Variants in PARVA observed in about 807,000 individuals in gnomAD.
PARVA encodes parvin alpha.
A neutral mutation model predicts 52.6 loss-of-function variants in PARVA; 25 were observed. That is an observed-to-expected ratio of 0.48 (90% CI 0.35 to 0.66). The LOEUF is 0.66. PARVA is among the 30% of genes least tolerant of loss of function. The probability of loss-of-function intolerance (pLI) is 0.01; values close to 1 mark genes in which losing one functional copy is unlikely to be tolerated. For synonymous variants in PARVA, 185 were observed against 179.1 expected (o/e 1.03, Z -0.26); for missense variants, 373 against 450.9 (o/e 0.83, Z 1.56).
At chr11:12,416,657 GA>G (rs1489846460) in intron 1 of PARVA, among the ~76,000 whole-genome samples, 3 of 151,998 alleles carry the variant, frequency 2.0e-5, no homozygotes, top group Admixed American at 2.0e-4. Context: ...GGGAGAAAGA[GA>G]AAGAAGCGAG....
chr11:12,377,726 G>T lies in PARVA; in HGVS notation c.79G>T (p.Asp27Tyr). 1 of 1,565,000 alleles carries T rather than the reference G, an allele frequency of 6.4e-7. No individual in the cohort carries two copies. The highest frequency in any genetic ancestry group is 8.6e-7 in the Non-Finnish European group (1 of 1,160,246). The change falls in exon 1 of 13, where the codon GAT becomes TAT. Residue 27 changes from aspartate to tyrosine, a missense_variant. Asp to Tyr is a radical substitution (Grantham distance 160). Coordinates refer to ENST00000334956, the MANE Select transcript of PARVA (RefSeq NM_018222.5). ...PKSPPSRKKDDSFLGKLGGTL... is the reference protein window; with the variant it reads ...PKSPPSRKKDYSFLGKLGGTL... ...GTCGCCCCCGTCCCGCAAGAAAGAT[G>T]ATTCCTTCTTGGGGAAACTCGGAGG...
intron 1 of PARVA, among the ~76,000 whole-genome samples, chr11:12,381,866 T>C (rs1939492112): frequency 6.6e-6 from 1 of 152,134 alleles, no homozygotes; most frequent in South Asian, 2.1e-4. Flanking sequence ...TCAACTTTTC[T>C]TATAATGTCA....
At position 12,497,582 on chromosome 11, in the gene PARVA, T is replaced by C. The variant is rs565346062; in HGVS notation, c.541+984T>C. Among the ~76,000 whole-genome samples, 3 of 152,296 alleles carry C rather than the reference T, an allele frequency of 2.0e-5. No homozygotes were observed. In the East Asian group the frequency reaches 5.8e-4, roughly 29 times the overall value. On this transcript the variant is annotated intron_variant, in intron 5 of 12. Transcript: ENST00000334956. ...ACACCAAGTGCCTCCTCGGCATAAT[T>C]ACACGTTTTTGTGCACAGCATGATC...
chr11:12,429,132 C>T (rs1330738604), intron 1 of PARVA, among the ~76,000 whole-genome samples: 2 of 152,138 alleles, frequency 1.3e-5, no homozygotes, highest in Non-Finnish European at 2.9e-5. Context: ...AGGTGCACAT[C>T]ACCATGCCCA....
intron 1 of PARVA, among the ~76,000 whole-genome samples, chr11:12,433,559 TA>T (rs1253138314): frequency 6.6e-6 from 1 of 152,186 alleles, no homozygotes; most frequent in East Asian, 1.9e-4. Flanking sequence ...TAAAGAGAAA[TA>T]AAAGAGGCAT....
chr11:12,505,265 C>A (rs559062886), intron 6 of PARVA, among the ~76,000 whole-genome samples: 1 of 152,292 alleles, frequency 6.6e-6, no homozygotes, highest in Admixed American at 6.5e-5. Flanking sequence ...CCCTGGCGAT[C>A]CAGGCTCTGG....
At chr11:12,467,226 AC>A (rs1201096688) in intron 1 of PARVA, among the ~76,000 whole-genome samples, 1 of 152,212 alleles carries the variant, frequency 6.6e-6, no homozygotes, top group Non-Finnish European at 1.5e-5. Flanking sequence ...GTATCCTGCA[AC>A]CTTGCCAGAA....
chr11:12,518,180 T>C (rs1326220280), intron 11 of PARVA, among the ~76,000 whole-genome samples: 1 of 152,186 alleles, frequency 6.6e-6, no homozygotes, highest in Non-Finnish European at 1.5e-5. Flanking sequence ...CACCCCCAAT[T>C]TGAAGTCCTG....
chr11:12,436,867 T>C (rs961027950), intron 1 of PARVA, among the ~76,000 whole-genome samples: 1 of 152,154 alleles, frequency 6.6e-6, no homozygotes, highest in African/African-American at 2.4e-5. Flanking sequence ...AGAGCAAAAG[T>C]GGCTTAAGAA....
At chr11:12,508,123 CCAA>C (rs1173917850) in intron 6 of PARVA, among the ~76,000 whole-genome samples, 1,021 of 93,534 alleles carry the variant, frequency 0.011, 19 homozygotes, top group African/African-American at 0.046. Flanking sequence ...AAAAAAAAAA[CCAA>C]AAAAAAAAAC....
chr11:12,447,812 C>T (rs959268020), intron 1 of PARVA, among the ~76,000 whole-genome samples: 1 of 152,204 alleles, frequency 6.6e-6, no homozygotes, highest in Admixed American at 6.5e-5. Context: ...AAAGACCACT[C>T]CCAGTGTTGG....
intron 4 of PARVA, among the ~76,000 whole-genome samples, chr11:12,493,641 A>T (rs930628585): frequency 1.1e-4 from 16 of 151,988 alleles, no homozygotes; most frequent in African/African-American, 3.9e-4. Flanking sequence ...AATTAATTTT[A>T]GGAAGAATGC....
chr11:12,483,672 G>A (rs961761349), intron 4 of PARVA, among the ~76,000 whole-genome samples: 1 of 152,240 alleles, frequency 6.6e-6, no homozygotes, highest in African/African-American at 2.4e-5. Flanking sequence ...GCAGATGAAT[G>A]CAGGTGGGCC....
intron 1 of PARVA, among the ~76,000 whole-genome samples, chr11:12,388,200 C>T (rs1346729905): frequency 6.6e-6 from 1 of 152,184 alleles, no homozygotes; most frequent in Non-Finnish European, 1.5e-5. Flanking sequence ...GTGAGCTTTG[C>T]CTAGCCTCAG....
chr11:12,431,083 G>A lies in PARVA; in HGVS notation c.137-42662G>A, dbSNP rs148914054. 4.6e-5 allele frequency among the ~76,000 whole-genome samples: 7 copies of A among 152,316 alleles called. No individual in the cohort carries two copies. In the East Asian group the frequency reaches 1.3e-3, roughly 29 times the overall value. Reference sequence around the variant, plus strand: ...GCCAACTGGAAGGCGGGAATAACCTGTCTGCCCCTGCTCCCAGGGCTGACT... The same window carrying A: ...GCCAACTGGAAGGCGGGAATAACCTATCTGCCCCTGCTCCCAGGGCTGACT... On this transcript the variant is annotated intron_variant, in intron 1 of 12. Transcript: ENST00000334956.
At chr11:12,456,945 C>T (rs979556056) in intron 1 of PARVA, among the ~76,000 whole-genome samples, 1 of 152,218 alleles carries the variant, frequency 6.6e-6, no homozygotes, top group Non-Finnish European at 1.5e-5. Context: ...AGCTACCCCA[C>T]ACTTGCTCAC....
intron 1 of PARVA, among the ~76,000 whole-genome samples, chr11:12,462,071 A>C (rs954894381): frequency 1.3e-5 from 2 of 152,142 alleles, no homozygotes; most frequent in Non-Finnish European, 2.9e-5. Flanking sequence ...GGGGGTGCAG[A>C]TTTTGCATTT....
intron 1 of PARVA, among the ~76,000 whole-genome samples, chr11:12,414,507 T>G (rs1940036560): frequency 6.6e-6 from 1 of 152,242 alleles, no homozygotes. Flanking sequence ...AATTAAAATG[T>G]GAACATTAAG....
intron 1 of PARVA, among the ~76,000 whole-genome samples, chr11:12,418,636 G>A (rs1009977099): frequency 9.5e-4 from 144 of 152,244 alleles, no homozygotes; most frequent in African/African-American, 3.3e-3. Flanking sequence ...CACCTCACTG[G>A]AGCCAAATTC....
Sources: gnomAD v4.1 joint callset for allele counts (sites outside exome capture counted in the v4.1 genomes callset) on GRCh38, gnomAD v4.1.1 for gene constraint, MANE v1.5 for transcripts, NCBI Gene and HGNC (gene_info 2026-07-23, HGNC 2026-07-21) for gene names.